GABRG3: variants seen among roughly 807,000 people sequenced by gnomAD.
GABRG3 encodes gamma-aminobutyric acid type A receptor subunit gamma3.
GABRG3 carries 25 observed loss-of-function variants against 48.8 expected under a neutral mutation model. The ratio of observed to expected loss-of-function variants is 0.51; its 90% CI spans 0.37 to 0.72. The LOEUF is 0.72. Ranked by LOEUF, GABRG3 falls within the 30% of genes least tolerant of loss-of-function variation. GABRG3 has a pLI of 0.00. For synonymous variants in GABRG3, 227 were observed against 217.6 expected (o/e 1.04, Z -0.38); for missense variants, 394 against 577.9 (o/e 0.68, Z 3.26).
chr15:27,357,400 A>G (rs1894877205), intron 5 of GABRG3, among the ~76,000 whole-genome samples: 1 of 152,244 alleles, frequency 6.6e-6, no homozygotes, highest in Admixed American at 6.5e-5. Flanking sequence ...AGTCCTACAC[A>G]AGGCTCTTAA....
intron 2 of GABRG3, among the ~76,000 whole-genome samples, chr15:27,014,480 A>G (rs1247124636): frequency 6.7e-6 from 1 of 149,888 alleles, no homozygotes; most frequent in African/African-American, 2.5e-5. Flanking sequence ...ATAAGTTTTG[A>G]TATGTTGTGT....
rs201237093 is a variant in GABRG3 at position 27,307,005 on chromosome 15, T to TATATAATATAA, written c.271-19804_271-19803insATATAATATAA. 2.0e-5 allele frequency among the ~76,000 whole-genome samples: 2 copies of TATATAATATAA among 102,408 alleles called. 1 individual carries two copies. The allele number at this position is 102,408 out of a possible 152,430, so 67.2% of individuals were successfully genotyped here. On this transcript the variant is annotated intron_variant, in intron 3 of 9. Transcript: ENST00000615808. ...ATATAAACATGTTTATATATAAACA[T>TATATAATATAA]GTATAAACATGTTTATATATAAACA... is the stretch of plus-strand genomic sequence containing the variant.
intron 3 of GABRG3, among the ~76,000 whole-genome samples, chr15:27,052,356 TG>T (rs1896470324): frequency 6.6e-6 from 1 of 152,148 alleles, no homozygotes; most frequent in African/African-American, 2.4e-5. Context: ...AGCCCTCAGG[TG>T]GTGGCACCAT....
At chr15:27,251,777 A>T (rs1191294471) in intron 3 of GABRG3, among the ~76,000 whole-genome samples, 2 of 152,154 alleles carry the variant, frequency 1.3e-5, no homozygotes, top group Admixed American at 1.3e-4. Context: ...ATGCAGGTTC[A>T]CCTGAGGGCA....
Position 27,157,360 on chromosome 15 carries a change from T to G in GABRG3, c.270+130539T>G, listed in dbSNP as rs555869378. Among the ~76,000 whole-genome samples, 81 of 152,348 alleles carry G rather than the reference T, an allele frequency of 5.3e-4. 1 individual carries two copies. In the South Asian group the frequency reaches 0.016, roughly 30 times the overall value. On this transcript the variant is annotated intron_variant, in intron 3 of 9. Transcript: ENST00000615808. ...ATATGAAATGTAAGTTTTTCAGGATTCAAATACAGGAATCATAAGCTGAAG... is the reference window on the plus strand; with the variant it reads ...ATATGAAATGTAAGTTTTTCAGGATGCAAATACAGGAATCATAAGCTGAAG...
At chr15:27,306,996 ATATAAACATG>A (rs1566769677) in intron 3 of GABRG3, among the ~76,000 whole-genome samples, 1 of 117,348 alleles carries the variant, frequency 8.5e-6, no homozygotes, top group East Asian at 2.4e-4. Flanking sequence ...ACATGTTTAT[ATATAAACATG>A]TATAAACATG....
At chr15:27,520,631 G>T in intron 7 of GABRG3, among the ~76,000 whole-genome samples, 1 of 36,110 alleles carries the variant, frequency 2.8e-5, no homozygotes, top group Non-Finnish European at 4.7e-5. Context: ...ATTTTTCTCT[G>T]GTTCCCAAAA....
chr15:27,274,599 A>G (rs537801847), intron 3 of GABRG3, among the ~76,000 whole-genome samples: 133 of 152,154 alleles, frequency 8.7e-4, no homozygotes, highest in African/African-American at 3.0e-3. Context: ...ACCTTTCCAT[A>G]CCACCACACT....
At chr15:27,210,086 A>G (rs1889022828) in intron 3 of GABRG3, among the ~76,000 whole-genome samples, 1 of 152,072 alleles carries the variant, frequency 6.6e-6, no homozygotes, top group Non-Finnish European at 1.5e-5. Flanking sequence ...ATTTGGGGGG[A>G]CACAGTTTGG....
intron 3 of GABRG3, among the ~76,000 whole-genome samples, chr15:27,043,378 G>C (rs1175046545): frequency 6.6e-6 from 1 of 152,218 alleles, no homozygotes; most frequent in Non-Finnish European, 1.5e-5. Flanking sequence ...GACCAGACCA[G>C]CTCAGAACCA....
chr15:27,468,962 A>T (rs1002536013), intron 5 of GABRG3, among the ~76,000 whole-genome samples: 1 of 152,252 alleles, frequency 6.6e-6, no homozygotes, highest in South Asian at 2.1e-4. Context: ...ATAGTGCATG[A>T]TAAATTCTTA....
intron 5 of GABRG3, among the ~76,000 whole-genome samples, chr15:27,411,401 G>T (rs1206694650): frequency 6.6e-5 from 10 of 152,084 alleles, no homozygotes; most frequent in Non-Finnish European, 1.5e-4. Flanking sequence ...TAGTTATAAA[G>T]TTCCTCAATT....
At chr15:26,988,076 G>C (rs77735823) in intron 2 of GABRG3, among the ~76,000 whole-genome samples, 25 of 152,304 alleles carry the variant, frequency 1.6e-4, no homozygotes, top group African/African-American at 6.0e-4. Flanking sequence ...TTATGGCACA[G>C]AATATGGTCT....
Position 27,038,225 on chromosome 15 carries a change from C to A in GABRG3, c.270+11404C>A, listed in dbSNP as rs112012839. ...AAGTCCAAGTCTAAGACTGGGAAGT[C>A]CAAGATCAAGGTGCTGGCAGGTGCA... On this transcript the variant is annotated intron_variant, in intron 3 of 9. Coordinates refer to ENST00000615808, the MANE Select transcript of GABRG3 (RefSeq NM_033223.5). 5.6e-4 allele frequency among the ~76,000 whole-genome samples: 85 copies of A among 152,086 alleles called. 3 individuals carry two copies. The highest frequency in any genetic ancestry group is 1.3e-4 in the Non-Finnish European group (9 of 68,030).
intron 2 of GABRG3, among the ~76,000 whole-genome samples, chr15:26,988,174 T>G (rs1325351272): frequency 6.6e-6 from 1 of 152,206 alleles, no homozygotes; most frequent in Non-Finnish European, 1.5e-5. Flanking sequence ...TGAAGTTGGT[T>G]TATACTTTTG....
At chr15:27,253,096 C>T (rs753039318) in intron 3 of GABRG3, among the ~76,000 whole-genome samples, 3 of 152,332 alleles carry the variant, frequency 2.0e-5, no homozygotes, top group South Asian at 2.1e-4. Flanking sequence ...AGAACGAACA[C>T]GGAACAGTTC....
chr15:27,314,003 A>G (rs1429739612), intron 3 of GABRG3, among the ~76,000 whole-genome samples: 1 of 152,160 alleles, frequency 6.6e-6, no homozygotes, highest in African/African-American at 2.4e-5. Context: ...GAAAAACAAT[A>G]GAAAAAATCC....
rs527751572 is a variant in GABRG3 at position 27,336,382 on chromosome 15, CA to C, written c.574+7497del. ...TTGGTGAGAGACATAGTCATTTGAC[CA>C]AAGGTGATATTTACATGGAAAATCT... On this transcript the variant is annotated intron_variant, in intron 5 of 9. Transcript: ENST00000615808. Among the ~76,000 whole-genome samples the C allele has an allele frequency of 4.6e-5, 7 of 151,758 alleles. No individual in the cohort carries two copies. In the South Asian group the frequency reaches 1.5e-3, roughly 32 times the overall value.
chr15:27,433,393 G>C (rs931643605), intron 5 of GABRG3, among the ~76,000 whole-genome samples: 6 of 152,218 alleles, frequency 3.9e-5, no homozygotes, highest in African/African-American at 1.4e-4. Context: ...GGTTCTAGGA[G>C]ATGCCTTTCC....
Sources: gnomAD v4.1 joint callset for allele counts (sites outside exome capture counted in the v4.1 genomes callset) on GRCh38, gnomAD v4.1.1 for gene constraint, MANE v1.5 for transcripts, NCBI Gene and HGNC (gene_info 2026-07-23, HGNC 2026-07-21) for gene names.